Variants in UGGT2 observed in about 807,000 individuals in gnomAD.
UGGT2 encodes the protein UDP-glucose:glycoprotein glucosyltransferase 2.
In UGGT2, 180 loss-of-function variants were observed where a neutral mutation model predicts 192.1. The observed-to-expected ratio is 0.94, with a 90% CI of 0.83 to 1.06. The LOEUF is 1.06. Ranked by LOEUF, UGGT2 falls within the 50% of genes least tolerant of loss-of-function variation. The pLI, the probability that UGGT2 is intolerant of heterozygous loss-of-function variation, is 0.00. For synonymous variants in UGGT2, 580 were observed against 591.0 expected, an observed-to-expected ratio of 0.98 and a Z score of 0.27; for missense variants, 1,849 against 1,795.7, an observed-to-expected ratio of 1.03 and a Z score of -0.54.
intron 12 of UGGT2, among the ~76,000 whole-genome samples, chr13:95,960,308 A>C (rs1200186602): frequency 6.6e-6 from 1 of 152,230 alleles, no homozygotes; most frequent in East Asian, 1.9e-4. Flanking sequence ...TCAGTGAGCT[A>C]TAAGAGAATA....
chr13:95,932,351 GTA>G lies in UGGT2; in HGVS notation c.1977+4571_1977+4572del, dbSNP rs1555359376. On this transcript the variant is annotated intron_variant, in intron 17 of 38. Transcript: ENST00000376747. ...TGTGTGTGTGTGTGTGTGTGTGTGTGTATGGCTATTGTAAATGGGACTGCATT... is the reference window on the plus strand; with the variant it reads ...TGTGTGTGTGTGTGTGTGTGTGTGTGTGGCTATTGTAAATGGGACTGCATT... 7.5e-4 allele frequency among the ~76,000 whole-genome samples: 110 copies of G among 146,500 alleles called. 2 individuals are homozygous for G. Among genetic ancestry groups the G allele is most frequent in the Admixed American group, 6.7e-3 (97 of 14,414 alleles).
intron 15 of UGGT2, among the ~76,000 whole-genome samples, chr13:95,940,793 A>G (rs2049651397): frequency 6.6e-6 from 1 of 152,060 alleles, no homozygotes; most frequent in South Asian, 2.1e-4. Context: ...GGGTCTTGCC[A>G]TGTTGCTCAG....
At chr13:96,037,699 T>G (rs2053045597) in intron 1 of UGGT2, among the ~76,000 whole-genome samples, 1 of 152,208 alleles carries the variant, frequency 6.6e-6, no homozygotes, top group Non-Finnish European at 1.5e-5. Flanking sequence ...AAAATTTCCC[T>G]CACTTGCTCC....
At chr13:95,973,299 G>C (rs1330196293) in intron 10 of UGGT2, among the ~76,000 whole-genome samples, 1 of 152,094 alleles carries the variant, frequency 6.6e-6, no homozygotes, top group Non-Finnish European at 1.5e-5. Context: ...GTGATGGGGG[G>C]AATCTTAAGA....
At chr13:95,829,476 T>G (rs567124070) in intron 38 of UGGT2, among the ~76,000 whole-genome samples, 4 of 152,166 alleles carry the variant, frequency 2.6e-5, no homozygotes, top group Non-Finnish European at 4.4e-5. Context: ...GCAAAGTCTC[T>G]GGATACAAAA....
At chr13:95,860,426 A>G (rs1890049963) in intron 32 of UGGT2, among the ~76,000 whole-genome samples, 1 of 149,882 alleles carries the variant, frequency 6.7e-6, no homozygotes, top group Admixed American at 6.7e-5. Context: ...GAAAACCAAT[A>G]TTCCAAATCA....
intron 17 of UGGT2, 134 bp from the exon 18 acceptor site, chr13:95,927,470 C>A: frequency 4.3e-4 from 105 of 242,324 alleles, no homozygotes; most frequent in Non-Finnish European, 6.1e-4. Flanking sequence ...CATTTTCTTT[C>A]TTTTTTTTTT....
chr13:95,857,790 G>A (rs1272668683), intron 33 of UGGT2, among the ~76,000 whole-genome samples: 3 of 152,102 alleles, frequency 2.0e-5, no homozygotes, highest in African/African-American at 7.2e-5. Context: ...TTTTGGCCAT[G>A]CAGTGGAACA....
intron 38 of UGGT2, among the ~76,000 whole-genome samples, chr13:95,823,479 T>C (rs1030424676): frequency 6.6e-6 from 1 of 152,106 alleles, no homozygotes; most frequent in Non-Finnish European, 1.5e-5. Context: ...TATTATAGTA[T>C]CTTCTTGTTG....
intron 38 of UGGT2, among the ~76,000 whole-genome samples, chr13:95,802,813 T>G (rs1034037271): frequency 4.0e-5 from 6 of 150,948 alleles, no homozygotes; most frequent in African/African-American, 1.2e-4. Flanking sequence ...AGCTATCCTT[T>G]TTTGTTTGTT....
chr13:95,873,614 ACTC>A (rs1222273930), intron 29 of UGGT2, among the ~76,000 whole-genome samples: 2 of 151,238 alleles, frequency 1.3e-5, no homozygotes, highest in Non-Finnish European at 3.0e-5. Flanking sequence ...TCTCTGCCTG[ACTC>A]CTCTTCATTC....
At chr13:95,972,544 A>G (rs1169541293) in intron 11 of UGGT2, 36 bp downstream of exon 11, 2 of 1,476,060 alleles carry the variant, frequency 1.4e-6, no homozygotes, top group Non-Finnish European at 1.9e-6. Flanking sequence ...TTTTATATAA[A>G]CCATAGTTCA....
At chr13:95,834,018 GATTC>G (rs1887007425) in intron 37 of UGGT2, among the ~76,000 whole-genome samples, 1 of 152,006 alleles carries the variant, frequency 6.6e-6, no homozygotes, top group South Asian at 2.1e-4. Flanking sequence ...ATTTTCAGTT[GATTC>G]ATTATGGATT....
chr13:95,873,131 T>C lies in UGGT2; in HGVS notation c.3473+4148A>G, dbSNP rs191338870. ...AATGATGAAACGGTAGTGGCAGATA[T>C]AGAAATGCTGAATTCCTGGCAAAGC... On this transcript the variant is annotated intron_variant, in intron 29 of 38. Transcript: ENST00000376747. Among the ~76,000 whole-genome samples, 561 of 152,300 alleles carry C rather than the reference T, an allele frequency of 3.7e-3. 5 individuals carry two copies. The highest frequency in any genetic ancestry group is 0.012 in the African/African-American group (507 of 41,564).
chr13:95,810,247 T>C (rs1485139224), intron 38 of UGGT2, among the ~76,000 whole-genome samples: 1 of 152,202 alleles, frequency 6.6e-6, no homozygotes, highest in African/African-American at 2.4e-5. Context: ...TTTTATGGTA[T>C]TGCACTAAAC....
chr13:95,997,658 A>G (rs2051668270), intron 6 of UGGT2, among the ~76,000 whole-genome samples: 1 of 151,650 alleles, frequency 6.6e-6, no homozygotes, highest in African/African-American at 2.4e-5. Context: ...AAAAAAAGAA[A>G]AAGATGTGAA....
intron 16 of UGGT2, among the ~76,000 whole-genome samples, chr13:95,939,397 A>T (rs1037087458): frequency 4.0e-5 from 6 of 151,570 alleles, no homozygotes; most frequent in African/African-American, 1.5e-4. Flanking sequence ...AGTCCCTTCT[A>T]ATGAAGGCTC....
chr13:95,962,629 A>C (rs1271086037), intron 12 of UGGT2, among the ~76,000 whole-genome samples: 1 of 152,156 alleles, frequency 6.6e-6, no homozygotes. Context: ...AAAAAAGAAC[A>C]CAAATTCTCC....
chr13:96,023,774 C>A lies in UGGT2; in HGVS notation c.242-15G>T. On this transcript the variant is annotated splice_polypyrimidine_tract_variant and intron_variant, in intron 2 of 38. Coordinates refer to ENST00000376747, the MANE Select transcript of UGGT2 (RefSeq NM_020121.4). ...ATAATCTGATTCTATAAAAAGAAGT[C>A]AAAAGAAAATAAATGTTAGCATTTT... 2 of 1,571,762 alleles carry A rather than the reference C, an allele frequency of 1.3e-6. No homozygotes were observed. The highest frequency in any genetic ancestry group is 2.3e-5 in the South Asian group (2 of 86,514).
Sources: allele counts gnomAD v4.1 joint callset (sites outside exome capture counted in the v4.1 genomes callset), GRCh38; gene constraint gnomAD v4.1.1; transcripts MANE v1.5; gene names NCBI Gene and HGNC (gene_info 2026-07-23, HGNC 2026-07-21).